Variants in PLEKHA1 observed in about 807,000 individuals in gnomAD.
PLEKHA1 encodes pleckstrin homology domain-containing family A member 1.
In PLEKHA1, 34 loss-of-function variants were observed where a neutral mutation model predicts 52.0. The ratio of observed to expected loss-of-function variants is 0.65; its 90% CI spans 0.50 to 0.87. PLEKHA1 has a LOEUF of 0.87. PLEKHA1 is among the 40% of genes least tolerant of loss of function. The pLI, the probability that PLEKHA1 is intolerant of heterozygous loss-of-function variation, is 0.00. For missense variants in PLEKHA1, 497 were observed against 504.2 expected, an observed-to-expected ratio of 0.99 and a Z score of 0.14; for synonymous variants, 163 against 170.7, an observed-to-expected ratio of 0.95 and a Z score of 0.35.
intron 7 of PLEKHA1, 58 bp downstream of exon 7, chr10:122,416,060 C>A: frequency 6.7e-7 from 1 of 1,493,920 alleles, no homozygotes; most frequent in South Asian, 1.3e-5. Context: ...CTAGCAAACT[C>A]AAATTAACAT....
intron 8 of PLEKHA1, 27 bp from the exon 9 acceptor site, chr10:122,424,172 T>TTTG (rs67033465): frequency 5.8e-4 from 318 of 551,768 alleles, no homozygotes; most frequent in Non-Finnish European, 6.8e-4. Flanking sequence ...CATGTAACTG[T>TTTG]TTTTTTTTTT....
intron 5 of PLEKHA1, chr10:122,412,027 C>T (rs2097112730): frequency 1.3e-5 from 2 of 152,226 alleles, no homozygotes; most frequent in South Asian, 2.1e-4. Context: ...AATTTAAATA[C>T]AGACTATGTG....
At position 122,409,784 on chromosome 10, in the gene PLEKHA1, C is replaced by CTT. The variant is rs745429398; in HGVS notation, c.343-3123_343-3122dup. On this transcript the variant is annotated intron_variant, in intron 5 of 11. Coordinates refer to ENST00000368990, the MANE Select transcript of PLEKHA1 (RefSeq NM_001001974.4). Reference sequence around the variant, plus strand: ...GACAATTTCATTCTTTCTTTTTATCCTTTTTTTTTTTTTTGAGACAGAGTC... The same window carrying CTT: ...GACAATTTCATTCTTTCTTTTTATCCTTTTTTTTTTTTTTTTGAGACAGAGTC... Among the ~76,000 whole-genome samples, 129 of 143,056 alleles carry CTT rather than the reference C, an allele frequency of 9.0e-4. 2 individuals are homozygous for CTT. The South Asian group carries it at 0.017, about 19-fold the overall frequency. The allele number at this position is 143,056 out of a possible 152,430, so 93.9% of individuals were successfully genotyped here. A position where few individuals can be genotyped will look rare whatever the true frequency, so the allele number is the denominator to read the frequency against.
At chr10:122,427,119 C>T (rs187692982) in intron 11 of PLEKHA1, 88 bp downstream of exon 11, 1 of 1,252,462 alleles carries the variant, frequency 8.0e-7, no homozygotes, top group Non-Finnish European at 1.1e-6. Context: ...CGGTTTCTTT[C>T]TTTCTTGAGA....
intron 11 of PLEKHA1, 90 bp from the exon 12 acceptor site, chr10:122,429,534 T>C: frequency 9.6e-7 from 1 of 1,040,988 alleles, no homozygotes; most frequent in Non-Finnish European, 1.4e-6. Flanking sequence ...GTGTGTGTTT[T>C]ATTTGTTTTT....
rs193075662 is a variant in PLEKHA1 at position 122,394,341 on chromosome 10, G to A, written c.141+1000G>A. 3.4e-4 allele frequency among the ~76,000 whole-genome samples: 52 copies of A among 152,116 alleles called. 1 individual carries two copies. In the East Asian group the frequency reaches 9.5e-3, roughly 28 times the overall value. ...TCCTCCAGCCTCAGCCTCCCAAAGT[G>A]CTGAGATTACAGGCATGAGCCACCG... On this transcript the variant is annotated intron_variant, in intron 2 of 11. Transcript: ENST00000368990.
chr10:122,381,643 T>C (rs1352589180), intron 1 of PLEKHA1, among the ~76,000 whole-genome samples: 2 of 152,190 alleles, frequency 1.3e-5, no homozygotes, highest in Non-Finnish European at 2.9e-5. Context: ...TAATTAAACC[T>C]CTTTTCTTTG....
the PLEKHA1 span, chr10:122,439,467 C>T: frequency 1.3e-5 from 2 of 151,466 alleles, no homozygotes; most frequent in Admixed American, 6.6e-5. Context: ...CACAGTGGCT[C>T]ACGCCTGTAA....
At chr10:122,432,761 A>G (rs2097424333), downstream of PLEKHA1, 2 of 152,112 alleles carry the variant, frequency 1.3e-5, no homozygotes, top group South Asian at 2.1e-4. Context: ...TCAAAAAACT[A>G]TGTCGGGTGT....
At position 122,393,096 on chromosome 10, in the gene PLEKHA1, G is replaced by A. The variant is rs2096798542; in HGVS notation, c.-20-85G>A. 9.4e-7 allele frequency: 1 copy of A among 1,067,348 alleles called. No individual in the cohort carries two copies. Among genetic ancestry groups the A allele is most frequent in the African/African-American group, 1.6e-5 (1 of 62,190 alleles). The allele number at this position is 1,067,348 out of a possible 1,614,324, so 66.1% of individuals were successfully genotyped here. A position where few individuals can be genotyped will look rare whatever the true frequency, so the allele number is the denominator to read the frequency against. ...TGACCTTACCTAATGTTGGCAAGTTGCCCCCTCATTGAACAGATTTGCAGT... is the reference window on the plus strand; with the variant it reads ...TGACCTTACCTAATGTTGGCAAGTTACCCCCTCATTGAACAGATTTGCAGT... On this transcript the variant is annotated intron_variant, in intron 1 of 11. Coordinates refer to ENST00000368990, the MANE Select transcript of PLEKHA1 (RefSeq NM_001001974.4). The surrounding 1 kb of genome is among the most constrained non-coding windows in gnomAD (Gnocchi z 4.5).
rs565256248 is a variant in PLEKHA1, at chr10:122,407,708, A to ATGTTGGGAAGGAGTTCTTG, written c.342+1041_342+1059dup. Among the ~76,000 whole-genome samples, 242 of 152,290 alleles carry ATGTTGGGAAGGAGTTCTTG rather than the reference A, an allele frequency of 1.6e-3. 1 individual carries two copies. The South Asian group carries it at 0.023, about 14-fold the overall frequency. On this transcript the variant is annotated intron_variant, in intron 5 of 11. Coordinates refer to ENST00000368990, the MANE Select transcript of PLEKHA1 (RefSeq NM_001001974.4). ...AATACATAGCAGGCCTGCCTGGAAAATGTTGGGAAGGAGTTCTTGTGTTGT... is the reference window on the plus strand; with the variant it reads ...AATACATAGCAGGCCTGCCTGGAAAATGTTGGGAAGGAGTTCTTGTGTTGGGAAGGAGTTCTTGTGTTGT...
In PLEKHA1 at chr10:122,423,991, C is replaced by T. The variant is rs1179075233; in HGVS notation, c.682-208C>T. 7 of 603,000 alleles carry T rather than the reference C, an allele frequency of 1.2e-5. No homozygotes were observed. The Admixed American group carries it at 2.7e-4, about 23-fold the overall frequency. 37.4% of individuals were successfully genotyped at this position (603,000 alleles called of 1,614,324 possible). On this transcript the variant is annotated intron_variant, in intron 8 of 11. Coordinates refer to ENST00000368990, the MANE Select transcript of PLEKHA1 (RefSeq NM_001001974.4). The stretch of plus-strand genomic sequence containing the variant: ...TGAATAAGGGCCGTATGCAGTTTTT[C>T]TTGTTTCAAACAACAGTGTATATAA...
intron 6 of PLEKHA1, 117 bp from the exon 7 acceptor site, chr10:122,415,742 C>T: frequency 9.8e-7 from 1 of 1,016,106 alleles, no homozygotes; most frequent in Non-Finnish European, 1.4e-6. Flanking sequence ...GAAAACTCTT[C>T]AAAAATCTGT....
In PLEKHA1 at chr10:122,419,829, A is replaced by C. The variant is rs573263540; in HGVS notation, c.681+1861A>C. 5.9e-5 allele frequency: 9 copies of C among 152,290 alleles called. 1 individual carries two copies. Among genetic ancestry groups the C allele is most frequent in the East Asian group, 3.9e-4 (2 of 5,182 alleles). 9.4% of individuals were successfully genotyped at this position (152,290 alleles called of 1,614,324 possible). A position where few individuals can be genotyped will look rare whatever the true frequency, so the allele number is the denominator to read the frequency against. On this transcript the variant is annotated intron_variant, in intron 8 of 11. Transcript: ENST00000368990. ...TGGTAGTTCTTTGTTCTTCCTCTCA[A>C]ATTTCACAGAATAATGCCCAGCATA...
At chr10:122,421,343 G>A (rs1395247077) in intron 8 of PLEKHA1, 1 of 152,188 alleles carries the variant, frequency 6.6e-6, no homozygotes, top group African/African-American at 2.4e-5. Context: ...TTCATAGAGT[G>A]AAGATTATGA....
intron 3 of PLEKHA1, 58 bp downstream of exon 3, chr10:122,398,032 A>G: frequency 7.1e-7 from 1 of 1,400,350 alleles, no homozygotes; most frequent in East Asian, 2.3e-5. Context: ...GAATGAGAGT[A>G]TGAATAGAAG....
chr10:122,419,816 G>T (rs942274190), intron 8 of PLEKHA1: 2 of 152,102 alleles, frequency 1.3e-5, no homozygotes, highest in African/African-American at 2.4e-5. Context: ...GTAGTTCTTT[G>T]TTCTTCCTCT....
intron 1 of PLEKHA1, among the ~76,000 whole-genome samples, chr10:122,376,022 G>A (rs2071569729): frequency 6.6e-6 from 1 of 152,106 alleles, no homozygotes; most frequent in Non-Finnish European, 1.5e-5. Flanking sequence ...TGATCAATCT[G>A]CTTTATTTTC....
At chr10:122,384,683 T>G (rs2096663806) in intron 1 of PLEKHA1, among the ~76,000 whole-genome samples, 1 of 151,698 alleles carries the variant, frequency 6.6e-6, no homozygotes. Flanking sequence ...CCAGGTGTGG[T>G]GGCTCACACC....
Sources: gnomAD v4.1 joint callset for allele counts (sites outside exome capture counted in the v4.1 genomes callset) on GRCh38, gnomAD v4.1.1 for gene constraint, Gnocchi (gnomAD v3.1) non-coding constraint, MANE v1.5 for transcripts, NCBI Gene and HGNC (gene_info 2026-07-23, HGNC 2026-07-21) for gene names.